PRKG1: variants seen among roughly 807,000 people sequenced by gnomAD.
The protein encoded by PRKG1 is cGMP-dependent protein kinase 1.
In PRKG1, 35 loss-of-function variants were observed where a neutral mutation model predicts 88.1. That is an observed-to-expected ratio of 0.40 (90% CI 0.30 to 0.53). The LOEUF is 0.53. Among genes scored for constraint, PRKG1 ranks in the 20% least tolerant of loss-of-function variants. The pLI is 0.59. For missense variants in PRKG1, 540 were observed against 839.8 expected (o/e 0.64, Z 4.41); for synonymous variants, 303 against 292.5 (o/e 1.04, Z -0.37).
intron 3 of PRKG1, among the ~76,000 whole-genome samples, chr10:51,776,082 T>G (rs1450446645): frequency 6.6e-6 from 1 of 152,082 alleles, no homozygotes; most frequent in East Asian, 1.9e-4. Flanking sequence ...ATATTAAGAG[T>G]ACCTATTTCA....
intron 1 of PRKG1, among the ~76,000 whole-genome samples, chr10:51,067,711 T>G (rs913034382): frequency 6.6e-6 from 1 of 152,190 alleles, no homozygotes; most frequent in East Asian, 1.9e-4. Context: ...ATACAGTGAC[T>G]CTAGACAGAC....
rs143932799 is a variant in PRKG1, at chr10:51,599,724, C to A, written c.592+131888C>A. ...TTATATTAGTCTTTTACCATTATAA[C>A]CTTCCGGCTATTTTAATGCAAACTT... On this transcript the variant is annotated intron_variant, in intron 3 of 17. Coordinates refer to ENST00000373980, the MANE Select transcript of PRKG1 (RefSeq NM_006258.4). Among the ~76,000 whole-genome samples the A allele has an allele frequency of 4.6e-4, 70 of 152,254 alleles. 1 individual carries two copies. In the East Asian group the frequency reaches 0.012, roughly 25 times the overall value.
At chr10:51,207,481 C>T (rs1838092154) in intron 2 of PRKG1, among the ~76,000 whole-genome samples, 1 of 152,156 alleles carries the variant, frequency 6.6e-6, no homozygotes, top group South Asian at 2.1e-4. Context: ...TTGTGGTTAC[C>T]TCGCTGGTGC....
chr10:51,776,009 G>A (rs1003219587), intron 3 of PRKG1, among the ~76,000 whole-genome samples: 1 of 151,600 alleles, frequency 6.6e-6, no homozygotes, highest in Admixed American at 6.6e-5. Context: ...CATCATTATG[G>A]TATGACCTTC....
intron 5 of PRKG1, among the ~76,000 whole-genome samples, chr10:52,023,838 A>G (rs149211739): frequency 5.2e-4 from 79 of 152,324 alleles, no homozygotes; most frequent in African/African-American, 1.7e-3. Flanking sequence ...ATAGATTGCA[A>G]AAATTTTCTC....
intron 2 of PRKG1, among the ~76,000 whole-genome samples, chr10:51,414,159 C>T (rs1322501936): frequency 6.6e-6 from 1 of 152,198 alleles, no homozygotes; most frequent in Non-Finnish European, 1.5e-5. Flanking sequence ...CTGGCCCCTA[C>T]AGCAATGTGC....
intron 1 of PRKG1, among the ~76,000 whole-genome samples, chr10:51,038,682 A>G (rs1449339687): frequency 6.6e-6 from 1 of 152,180 alleles, no homozygotes; most frequent in Non-Finnish European, 1.5e-5. Flanking sequence ...TTATGGCTGA[A>G]TACTACTTCA....
intron 1 of PRKG1, among the ~76,000 whole-genome samples, chr10:51,077,123 T>A (rs538956523): frequency 3.6e-4 from 55 of 152,204 alleles, no homozygotes; most frequent in Admixed American, 2.6e-3. Flanking sequence ...AATGAATAAA[T>A]CTTATGTTGT....
intron 1 of PRKG1, among the ~76,000 whole-genome samples, chr10:51,133,596 A>G (rs369193233): frequency 3.1e-4 from 47 of 152,294 alleles, no homozygotes; most frequent in African/African-American, 1.1e-3. Flanking sequence ...TGTCATGCAA[A>G]CATTTACTGC....
intron 4 of PRKG1, among the ~76,000 whole-genome samples, chr10:51,905,743 T>C (rs1409074832): frequency 6.6e-6 from 1 of 152,196 alleles, no homozygotes; most frequent in Non-Finnish European, 1.5e-5. Context: ...ACTAACATTG[T>C]ATTTTGATGT....
chr10:51,401,072 T>C (rs1168913174), intron 2 of PRKG1, among the ~76,000 whole-genome samples: 1 of 152,226 alleles, frequency 6.6e-6, no homozygotes, highest in Non-Finnish European at 1.5e-5. Flanking sequence ...GCTATGTATG[T>C]AACGTTAAAT....
chr10:51,874,088 C>T (rs757817252), intron 4 of PRKG1, among the ~76,000 whole-genome samples: 7 of 152,198 alleles, frequency 4.6e-5, no homozygotes, highest in African/African-American at 9.6e-5. Flanking sequence ...CCAAATTTAA[C>T]AGCAACCTCA....
At chr10:52,184,994 A>G (rs1254537612) in intron 9 of PRKG1, 1 of 152,170 alleles carries the variant, frequency 6.6e-6, no homozygotes, top group Non-Finnish European at 1.5e-5. Context: ...CTTGGAAGGA[A>G]CAAGCATCCA....
chr10:51,108,714 C>T (rs954953832), intron 1 of PRKG1, among the ~76,000 whole-genome samples: 4 of 152,140 alleles, frequency 2.6e-5, no homozygotes, highest in African/African-American at 9.7e-5. Flanking sequence ...AGATCAGGAG[C>T]AAATGAGGAT....
In PRKG1 at chr10:51,472,039, A is replaced by G. The variant is rs373507155; in HGVS notation, c.592+4203A>G. 2.6e-5 allele frequency among the ~76,000 whole-genome samples: 4 copies of G among 152,060 alleles called. No homozygotes were observed. In the East Asian group the frequency reaches 7.7e-4, roughly 29 times the overall value. On this transcript the variant is annotated intron_variant, in intron 3 of 17. Coordinates refer to ENST00000373980, the MANE Select transcript of PRKG1 (RefSeq NM_006258.4). ...TGCCAAAGAGCCTAAAAAGCCTACA[A>G]GAAATCTGACAAATTGATGACTTTA...
intron 3 of PRKG1, among the ~76,000 whole-genome samples, chr10:51,794,323 A>C (rs148998784): frequency 6.6e-6 from 1 of 152,282 alleles, no homozygotes; most frequent in African/African-American, 2.4e-5. Flanking sequence ...ATCAATAAAG[A>C]AACCCAGATA....
chr10:51,383,041 A>G (rs552624516), intron 2 of PRKG1, among the ~76,000 whole-genome samples: 1 of 152,196 alleles, frequency 6.6e-6, no homozygotes, highest in Admixed American at 6.5e-5. Context: ...TTCACTAGCA[A>G]AGCAGATGGG....
intron 5 of PRKG1, among the ~76,000 whole-genome samples, chr10:51,915,671 TA>T (rs1364963348): frequency 4.6e-5 from 7 of 152,040 alleles, no homozygotes; most frequent in African/African-American, 7.2e-5. Flanking sequence ...ACAAAGCAAA[TA>T]GGGAATGGGA....
intron 1 of PRKG1, among the ~76,000 whole-genome samples, chr10:51,028,178 G>A (rs868722039): frequency 6.6e-6 from 1 of 152,198 alleles, no homozygotes. Context: ...ATATATAAAT[G>A]TCCTGGTTTA....
Sources: allele counts gnomAD v4.1 joint callset (sites outside exome capture counted in the v4.1 genomes callset), GRCh38; gene constraint gnomAD v4.1.1; transcripts MANE v1.5; gene names NCBI Gene and HGNC (gene_info 2026-07-23, HGNC 2026-07-21).